The following CTNNA2 variants were observed in gnomAD, a reference collection of about 807,000 sequenced individuals.
CTNNA2 encodes the protein catenin alpha-2.
A neutral mutation model predicts 101.0 loss-of-function variants in CTNNA2; 42 were observed. The ratio of observed to expected loss-of-function variants is 0.42; its 90% confidence interval spans 0.32 to 0.54. The LOEUF (loss-of-function observed/expected upper bound fraction) is 0.54, where lower values mean the gene tolerates loss of function less well. Among genes scored for constraint, CTNNA2 ranks in the 20% least tolerant of loss-of-function variants. CTNNA2 has a pLI of 0.14. For synonymous variants in CTNNA2, 450 were observed against 456.4 expected, an observed-to-expected ratio of 0.99 and a Z score of 0.18; for missense variants, 871 against 1,223.1, an observed-to-expected ratio of 0.71 and a Z score of 4.29.
intron 7 of CTNNA2, among the ~76,000 whole-genome samples, chr2:80,250,627 A>G (rs943943552): frequency 3.9e-5 from 6 of 152,098 alleles, no homozygotes; most frequent in Non-Finnish European, 2.9e-5. Context: ...ATCTGATGCT[A>G]TGGGCCAGTG....
intron 7 of CTNNA2, among the ~76,000 whole-genome samples, chr2:80,131,423 G>C (rs1702408392): frequency 6.6e-6 from 1 of 152,160 alleles, no homozygotes. Context: ...CTGTACTATT[G>C]TAACAACTTA....
chr2:79,501,965 C>CTTTTT (rs59130555), intron 4 of CTNNA2, among the ~76,000 whole-genome samples: 2 of 128,788 alleles, frequency 1.6e-5, no homozygotes, highest in African/African-American at 2.9e-5. Flanking sequence ...GGATATTAGT[C>CTTTTT]TTTTTTTTTT....
chr2:79,687,546 G>A (rs1318464593), intron 2 of CTNNA2: 1 of 698,820 alleles, frequency 1.4e-6, no homozygotes, highest in Non-Finnish European at 2.6e-6. Flanking sequence ...AATACACATT[G>A]TTTTGTTTGC....
chr2:80,037,240 C>A (rs1695725384), intron 7 of CTNNA2, among the ~76,000 whole-genome samples: 1 of 152,136 alleles, frequency 6.6e-6, no homozygotes, highest in African/African-American at 2.4e-5. Flanking sequence ...GTAAAGAAGA[C>A]TTGGTATTTT....
chr2:79,894,066 C>CTTCTTCT (rs1684523505), intron 6 of CTNNA2, among the ~76,000 whole-genome samples: 4 of 136,390 alleles, frequency 2.9e-5, no homozygotes, highest in East Asian at 2.3e-4. Flanking sequence ...CTTCTTCTTC[C>CTTCTTCT]TCCTCCTCCT....
intron 7 of CTNNA2, among the ~76,000 whole-genome samples, chr2:80,164,950 T>TTTTTTGTTTTG (rs1553461432): frequency 7.4e-5 from 11 of 148,782 alleles, no homozygotes; most frequent in African/African-American, 2.8e-4. Context: ...TTTTTTTTTT[T>TTTTTTGTTTTG]TTTTTTTCTA....
chr2:79,195,772 A>G, intron 1 of CTNNA2: 1 of 499,896 alleles, frequency 2.0e-6, no homozygotes, highest in Admixed American at 2.1e-5. Context: ...AGCAAGTTTT[A>G]TCATCTCAGA....
At chr2:80,384,642 A>C (rs952049462) in intron 7 of CTNNA2, among the ~76,000 whole-genome samples, 5 of 151,546 alleles carry the variant, frequency 3.3e-5, no homozygotes, top group Non-Finnish European at 7.4e-5. Flanking sequence ...GAACAGTATG[A>C]ATCCTTATAG....
At chr2:79,242,969 A>T (rs996397650) in intron 2 of CTNNA2, among the ~76,000 whole-genome samples, 3 of 127,354 alleles carry the variant, frequency 2.4e-5, no homozygotes, top group African/African-American at 8.8e-5. Context: ...CCTGTCTCGA[A>T]ATATATATAT....
intron 7 of CTNNA2, among the ~76,000 whole-genome samples, chr2:79,981,327 G>C (rs1691255047): frequency 6.6e-6 from 1 of 152,092 alleles, no homozygotes; most frequent in Non-Finnish European, 1.5e-5. Context: ...TTACCTACTT[G>C]CATCCTGACT....
At chr2:79,766,100 T>G (rs986475204) in intron 3 of CTNNA2, among the ~76,000 whole-genome samples, 1 of 152,244 alleles carries the variant, frequency 6.6e-6, no homozygotes, top group African/African-American at 2.4e-5. Context: ...TGTTTCTTTG[T>G]GTACTTATTG....
intron 4 of CTNNA2, among the ~76,000 whole-genome samples, chr2:79,419,072 A>AG (rs70940034): frequency 0.95 from 143,864 of 152,120 alleles, 68,104 homozygotes; most frequent in East Asian, 1. Context: ...GTACTTATGC[A>AG]AAAAAGCATC....
At chr2:79,854,740 C>T (rs1409323736) in intron 3 of CTNNA2, among the ~76,000 whole-genome samples, 1 of 152,132 alleles carries the variant, frequency 6.6e-6, no homozygotes. Context: ...GGAAATGTTG[C>T]TCTGAGTTAG....
At chr2:79,622,774 G>A (rs1282093879) in intron 1 of CTNNA2, among the ~76,000 whole-genome samples, 1 of 152,130 alleles carries the variant, frequency 6.6e-6, no homozygotes, top group Non-Finnish European at 1.5e-5. Context: ...CTGGATGCAG[G>A]GAGCGGCAGG....
intron 3 of CTNNA2, among the ~76,000 whole-genome samples, chr2:79,838,728 T>C (rs1398906286): frequency 1.3e-5 from 2 of 152,056 alleles, no homozygotes; most frequent in African/African-American, 4.8e-5. Context: ...ATTATGATAG[T>C]GGCTTTGGAA....
chr2:80,378,199 A>G (rs1273475642), intron 7 of CTNNA2, among the ~76,000 whole-genome samples: 1 of 151,774 alleles, frequency 6.6e-6, no homozygotes, highest in African/African-American at 2.4e-5. Flanking sequence ...TGCACTAAAC[A>G]TGCAAAAAAT....
At chr2:80,014,003 A>G (rs1693962340) in intron 7 of CTNNA2, among the ~76,000 whole-genome samples, 1 of 152,170 alleles carries the variant, frequency 6.6e-6, no homozygotes, top group African/African-American at 2.4e-5. Flanking sequence ...TAGATTGCTT[A>G]AAACTCAGTT....
chr2:80,010,829 G>A (rs565014536), intron 7 of CTNNA2, among the ~76,000 whole-genome samples: 1 of 151,930 alleles, frequency 6.6e-6, no homozygotes, highest in African/African-American at 2.4e-5. Flanking sequence ...TACATTTTTG[G>A]AGGAATACAT....
chr2:79,555,234 A>C (rs1031089642), intron 1 of CTNNA2, among the ~76,000 whole-genome samples: 1 of 152,134 alleles, frequency 6.6e-6, no homozygotes, highest in Non-Finnish European at 1.5e-5. Context: ...TTGCCTTTTC[A>C]AAAGCAAAAT....
Sources: allele counts gnomAD v4.1 joint callset (sites outside exome capture counted in the v4.1 genomes callset), GRCh38; gene constraint gnomAD v4.1.1; transcripts MANE v1.5; gene names NCBI Gene and HGNC (gene_info 2026-07-23, HGNC 2026-07-21).